The following DNAJC13 variants were observed in gnomAD, a reference collection of about 807,000 sequenced individuals.
DNAJC13 encodes DnaJ heat shock protein family (Hsp40) member C13, also known as dnaJ homolog subfamily C member 13.
A neutral mutation model predicts 290.5 loss-of-function variants in DNAJC13; 75 were observed. That is an observed-to-expected ratio of 0.26 (90% CI 0.21 to 0.31). DNAJC13 has a LOEUF of 0.31. Ranked by LOEUF, DNAJC13 falls within the 10% of genes least tolerant of loss-of-function variation. The pLI is 1.00. For missense variants in DNAJC13, 2,260 were observed against 2,674.5 expected (o/e 0.85, Z 3.42); for synonymous variants, 862 against 892.0 (o/e 0.97, Z 0.60).
intron 13 of DNAJC13, among the ~76,000 whole-genome samples, chr3:132,459,109 C>T (rs1933710640): frequency 6.6e-6 from 1 of 152,092 alleles, no homozygotes; most frequent in African/African-American, 2.4e-5. Context: ...ACTGTTATAT[C>T]TATTTTGTAG....
At chr3:132,428,400 C>G (rs1469533219) in intron 1 of DNAJC13, among the ~76,000 whole-genome samples, 16 of 152,264 alleles carry the variant, frequency 1.1e-4, no homozygotes, top group African/African-American at 3.6e-4. Flanking sequence ...TGTGGATAGG[C>G]TAATATTACA....
At chr3:132,494,297 A>G in intron 34 of DNAJC13, 38 bp downstream of exon 34, 3 of 1,408,474 alleles carry the variant, frequency 2.1e-6, no homozygotes, top group Non-Finnish European at 3.0e-6. Flanking sequence ...TGTCTGTCCC[A>G]CCTTAAAGTA....
intron 36 of DNAJC13, among the ~76,000 whole-genome samples, chr3:132,497,412 G>A (rs1362849417): frequency 1.3e-5 from 2 of 152,218 alleles, no homozygotes; most frequent in Admixed American, 1.3e-4. Context: ...GCTATGGTAT[G>A]TTGGGAGAGA....
At position 132,528,400 on chromosome 3, in the gene DNAJC13, A is replaced by G. The variant is rs763417270; in HGVS notation, c.6525+68A>G. 7.7e-6 allele frequency: 12 copies of G among 1,562,750 alleles called. No homozygotes were observed. In the East Asian group the frequency reaches 2.3e-4, roughly 29 times the overall value. On this transcript the variant is annotated intron_variant, in intron 54 of 55. Transcript: ENST00000260818. ...GGTCTTGGCCATGGATGGTCCACGT[A>G]CCTGTGTTCAAGTTCCACTTACAGA...
At chr3:132,459,768 T>C (rs540218237) in intron 13 of DNAJC13, among the ~76,000 whole-genome samples, 3 of 152,194 alleles carry the variant, frequency 2.0e-5, no homozygotes, top group South Asian at 2.1e-4. Flanking sequence ...TAGAGACTTA[T>C]GTAAAGTAAC....
intron 1 of DNAJC13, among the ~76,000 whole-genome samples, chr3:132,429,914 T>G (rs888283676): frequency 1.3e-5 from 2 of 152,196 alleles, no homozygotes; most frequent in Non-Finnish European, 2.9e-5. Flanking sequence ...CTTGTTGCTT[T>G]CTTAAATATT....
At position 132,492,495 on chromosome 3, in the gene DNAJC13, G is replaced by T; in HGVS notation, c.3705G>T (p.Gln1235His). The T allele has an allele frequency of 6.2e-7, 1 of 1,613,838 alleles. No individual in the cohort carries two copies. The highest frequency in any genetic ancestry group is 8.5e-7 in the Non-Finnish European group (1 of 1,179,842). ...RLQSNTRALY[Q>H]YCPIPIINYP... Reference sequence around the variant, plus strand: ...AGAGTAACACAAGAGCACTTTATCAGTATTGCCCCATTCCTATAATCAACT... The same window carrying T: ...AGAGTAACACAAGAGCACTTTATCATTATTGCCCCATTCCTATAATCAACT... The change falls in exon 33 of 56, where the codon CAG becomes CAT. Residue 1235 changes from glutamine (Q) to histidine (H), a missense_variant. Physicochemically the swap from Gln to His is conservative, Grantham distance 24 (BLOSUM62 0). Transcript: ENST00000260818.
At chr3:132,432,903 TAATCTC>T (rs1237872670) in intron 1 of DNAJC13, among the ~76,000 whole-genome samples, 2 of 152,220 alleles carry the variant, frequency 1.3e-5, no homozygotes, top group Non-Finnish European at 1.5e-5. Context: ...TCTAAACACT[TAATCTC>T]AATTTCTTTA....
At chr3:132,446,399 T>C in intron 2 of DNAJC13, 76 bp from the exon 3 acceptor site, 1 of 1,019,938 alleles carries the variant, frequency 9.8e-7, no homozygotes. Flanking sequence ...GAACTGTTTG[T>C]TTTGTGTTAT....
intron 20 of DNAJC13, among the ~76,000 whole-genome samples, chr3:132,470,639 G>A (rs1410976183): frequency 3.3e-4 from 44 of 134,984 alleles, no homozygotes; most frequent in East Asian, 1.7e-3. Context: ...CCTCCCTCCC[G>A]GACGGGGCGG....
intron 1 of DNAJC13, among the ~76,000 whole-genome samples, chr3:132,434,229 CAAA>C (rs1197478891): frequency 7.2e-6 from 1 of 139,020 alleles, no homozygotes; most frequent in African/African-American, 2.7e-5. Context: ...AAACAAAAAA[CAAA>C]AAAATTAGCC....
At chr3:132,437,079 A>G (rs1233706347) in intron 2 of DNAJC13, among the ~76,000 whole-genome samples, 1 of 151,854 alleles carries the variant, frequency 6.6e-6, no homozygotes, top group Non-Finnish European at 1.5e-5. Flanking sequence ...GGGTTTCACC[A>G]TGTTGGCCAG....
At chr3:132,530,242 G>A (rs1237171158) in intron 54 of DNAJC13, among the ~76,000 whole-genome samples, 1 of 151,972 alleles carries the variant, frequency 6.6e-6, no homozygotes, top group African/African-American at 2.4e-5. Context: ...CTACTAGATT[G>A]TAAGCACTTC....
At position 132,467,150 on chromosome 3, in the gene DNAJC13, A is replaced by C; in HGVS notation, c.2065-20A>C. The C allele has an allele frequency of 1.2e-6, 2 of 1,605,638 alleles. No individual in the cohort carries two copies. The highest frequency in any genetic ancestry group is 1.7e-6 in the Non-Finnish European group (2 of 1,177,190). On this transcript the variant is annotated intron_variant, in intron 19 of 55. Transcript: ENST00000260818. Reference sequence around the variant, plus strand: ...AAATTTGCAAACAGGCATGTAATGGATTCCAACATTATTTTACAGGATCAG... The same window carrying C: ...AAATTTGCAAACAGGCATGTAATGGCTTCCAACATTATTTTACAGGATCAG...
Position 132,486,729 on chromosome 3 carries a change from C to T in DNAJC13, c.3268-1569C>T, listed in dbSNP as rs574609605. 5.3e-5 allele frequency among the ~76,000 whole-genome samples: 8 copies of T among 152,200 alleles called. No homozygotes were observed. In the South Asian group the frequency reaches 1.0e-3, roughly 20 times the overall value. On this transcript the variant is annotated intron_variant, in intron 29 of 55. Transcript: ENST00000260818. ...TAGTTTCTGGGAATGTTATCTTCAT[C>T]GGTTGGAAAGGGATATCTGTACTTC...
rs1166939221 is a variant in DNAJC13 at position 132,525,807 on chromosome 3, T to G, written c.6240+18T>G. 1 of 1,609,046 alleles carries G rather than the reference T, an allele frequency of 6.2e-7. No individual in the cohort carries two copies. The highest frequency in any genetic ancestry group is 1.3e-5 in the African/African-American group (1 of 74,924). Reference sequence around the variant, plus strand: ...AAAATGAGGTATTGATGAATACACTTAGTAGTTTATAAGCTCCAGAATTTA... The same window carrying G: ...AAAATGAGGTATTGATGAATACACTGAGTAGTTTATAAGCTCCAGAATTTA... On this transcript the variant is annotated intron_variant, in intron 52 of 55. Coordinates refer to ENST00000260818, the MANE Select transcript of DNAJC13 (RefSeq NM_015268.4).
At chr3:132,511,384 C>T (rs1175969917) in intron 44 of DNAJC13, 140 bp downstream of exon 44, 11 of 1,005,134 alleles carry the variant, frequency 1.1e-5, no homozygotes, top group Non-Finnish European at 1.6e-5. Context: ...GGGAATTGAC[C>T]CTGTAATAGT....
rs182828424 is a variant in DNAJC13 at position 132,489,107 on chromosome 3, C to T, written c.3468+86C>T. On this transcript the variant is annotated intron_variant, in intron 31 of 55. Transcript: ENST00000260818. Reference sequence around the variant, plus strand: ...TTTCCTGAGCTGTGTATTATGTTTACTAGATTATAAGTACTTGAGGGTAGG... The same window carrying T: ...TTTCCTGAGCTGTGTATTATGTTTATTAGATTATAAGTACTTGAGGGTAGG... 1.3e-5 allele frequency: 14 copies of T among 1,074,738 alleles called. No individual in the cohort carries two copies. In the East Asian group the frequency reaches 3.4e-4, roughly 26 times the overall value. 66.6% of individuals were successfully genotyped at this position (1,074,738 alleles called of 1,614,324 possible). A position where few individuals can be genotyped will look rare whatever the true frequency, so the allele number is the denominator to read the frequency against.
intron 19 of DNAJC13, 136 bp downstream of exon 19, chr3:132,466,530 C>G: frequency 3.5e-6 from 2 of 574,212 alleles, no homozygotes; most frequent in Non-Finnish European, 5.5e-6. Context: ...CTATTGATAT[C>G]TTTATTGAGG....
Sources: allele counts gnomAD v4.1 joint callset (sites outside exome capture counted in the v4.1 genomes callset), GRCh38; gene constraint gnomAD v4.1.1; transcripts MANE v1.5; gene names NCBI Gene and HGNC (gene_info 2026-07-23, HGNC 2026-07-21).